RPS6KA6: variants seen among roughly 807,000 people sequenced by gnomAD.
The protein encoded by RPS6KA6 is ribosomal protein S6 kinase A6, also known as ribosomal protein S6 kinase alpha-6.
RPS6KA6 carries 27 observed loss-of-function variants against 65.4 expected under a neutral mutation model. The ratio of observed to expected loss-of-function variants is 0.41; its 90% CI spans 0.30 to 0.57. The LOEUF (loss-of-function observed/expected upper bound fraction) is 0.57. Ranked by LOEUF, RPS6KA6 falls within the 20% of genes least tolerant of loss-of-function variation. The pLI, the probability that RPS6KA6 is intolerant of heterozygous loss-of-function variation, is 0.24. For missense variants in RPS6KA6, 486 were observed against 555.6 expected, an observed-to-expected ratio of 0.87 and a Z score of 1.26; for synonymous variants, 190 against 184.2, an observed-to-expected ratio of 1.03 and a Z score of -0.26.
chrX:84,073,621 T>A lies in RPS6KA6; in HGVS notation c.1972-8510A>T, dbSNP rs773743042. Among the ~76,000 whole-genome samples, 108 of 111,331 alleles carry A rather than the reference T, an allele frequency of 9.7e-4. No homozygotes were observed. In the South Asian group the frequency reaches 0.012, roughly 12 times the overall value. On this transcript the variant is annotated intron_variant, in intron 20 of 21. Transcript: ENST00000262752. Reference sequence around the variant, plus strand: ...AGAATAGTAGAAAATATTTGCAAAGTACATATCTGAAAAGGGATTAATATC... The same window carrying A: ...AGAATAGTAGAAAATATTTGCAAAGAACATATCTGAAAAGGGATTAATATC...
intron 18 of RPS6KA6, among the ~76,000 whole-genome samples, chrX:84,101,512 T>C (rs1249125922): frequency 9.0e-6 from 1 of 110,979 alleles, no homozygotes; most frequent in Non-Finnish European, 1.9e-5. Flanking sequence ...CAAAAACCCC[T>C]GTGTGGCTAT....
chrX:84,150,975 T>G (rs1018979130), intron 3 of RPS6KA6, among the ~76,000 whole-genome samples: 1 of 93,779 alleles, frequency 1.1e-5, no homozygotes, highest in Non-Finnish European at 2.1e-5. Context: ...AGGATATATA[T>G]AGGATATATA....
intron 20 of RPS6KA6, among the ~76,000 whole-genome samples, chrX:84,076,460 G>A (rs1403681519): frequency 9.0e-6 from 1 of 111,549 alleles, no homozygotes; most frequent in Non-Finnish European, 1.9e-5. Context: ...TGATCGAGTG[G>A]TACTTAACCT....
At chrX:84,173,524 C>T (rs188324778) in intron 1 of RPS6KA6, among the ~76,000 whole-genome samples, 1 of 112,278 alleles carries the variant, frequency 8.9e-6, no homozygotes, top group Admixed American at 9.4e-5. Flanking sequence ...AAAATAAAAA[C>T]ATTTTAGCTA....
At chrX:84,081,315 A>C (rs993718887) in intron 20 of RPS6KA6, among the ~76,000 whole-genome samples, 1 of 111,935 alleles carries the variant, frequency 8.9e-6, no homozygotes, top group Non-Finnish European at 1.9e-5. Context: ...AAATACAAAC[A>C]ACCATCAGAG....
At chrX:84,158,240 A>T (rs1338199588) in intron 2 of RPS6KA6, among the ~76,000 whole-genome samples, 2 of 111,170 alleles carry the variant, frequency 1.8e-5, no homozygotes, top group African/African-American at 6.5e-5. Flanking sequence ...CCACCAAAAA[A>T]TAGGGCAACT....
intron 2 of RPS6KA6, 61 bp from the exon 3 acceptor site, chrX:84,156,252 T>TCA: frequency 1.6e-6 from 1 of 626,383 alleles, no homozygotes; most frequent in South Asian, 2.6e-5. Flanking sequence ...ATTAGTTCCA[T>TCA]TTAAAATCAG....
chrX:84,143,470 C>T (rs1225104792), intron 6 of RPS6KA6, among the ~76,000 whole-genome samples: 1 of 110,856 alleles, frequency 9.0e-6, no homozygotes, highest in Non-Finnish European at 1.9e-5. Flanking sequence ...ACAGGATTTA[C>T]TTAGAGGTAA....
Position 84,106,935 on chromosome X carries a change from C to T in RPS6KA6, c.1217G>A (p.Ser406Asn). The change falls in exon 14 of 22, where the codon AGT becomes AAT. Residue 406 changes from serine (S) to asparagine (N), a missense_variant. This residue lies in a region of RPS6KA6 where 345 missense variants were observed against 375.0 expected (regional missense o/e 0.92). Coordinates refer to ENST00000262752, the MANE Select transcript of RPS6KA6 (RefSeq NM_014496.5). ...AEEYKITPIT[S>N]ANVLPIVQIN... ...CTGAACAATTGGTAATACATTTGCA[C>T]TTGTGATAGGAGTGATTTTATATTC... The T allele has an allele frequency of 8.4e-7, 1 of 1,187,226 alleles. No individual in the cohort carries two copies. Among genetic ancestry groups the T allele is most frequent in the Non-Finnish European group, 1.1e-6 (1 of 878,077 alleles).
chrX:84,147,534 T>C (rs1041193436), intron 4 of RPS6KA6, among the ~76,000 whole-genome samples: 1 of 111,586 alleles, frequency 9.0e-6, no homozygotes. Context: ...CTTGAACTCC[T>C]GGGCTGGGCT....
Position 84,117,461 on chromosome X carries a change from CA to C in RPS6KA6, c.790-8del. 1 of 1,111,301 alleles carries C rather than the reference CA, an allele frequency of 9.0e-7. No homozygotes were observed. The highest frequency in any genetic ancestry group is 1.2e-6 in the Non-Finnish European group (1 of 825,090). 91.6% of individuals were successfully genotyped at this position (1,111,301 alleles called of 1,213,427 possible). A position where few individuals can be genotyped will look rare whatever the true frequency, so the allele number is the denominator to read the frequency against. On this transcript the variant is annotated splice_polypyrimidine_tract_variant and splice_region_variant and intron_variant, in intron 9 of 21. Coordinates refer to ENST00000262752, the MANE Select transcript of RPS6KA6 (RefSeq NM_014496.5). Reference sequence around the variant, plus strand: ...TACCAGTAAGCATTTCAAACTAAAACAAACAAACAAAACACACCACACAATT... The same window carrying C: ...TACCAGTAAGCATTTCAAACTAAAACAACAAACAAAACACACCACACAATT...
rs1314675754 is a variant in RPS6KA6, at chrX:84,061,729, A to C, written c.*2548T>G. ...AACTGTGCTATCATTAAATACTACC[A>C]AAAACCATTAACTAGAAAAACACAA... On this transcript the variant is annotated 3_prime_UTR_variant, in exon 22 of 22. Transcript: ENST00000262752. 8.9e-6 allele frequency: 1 copy of C among 111,947 alleles called. No homozygotes were observed. The highest frequency in any genetic ancestry group is 2.8e-4 in the East Asian group (1 of 3,585). The allele number at this position is 111,947 out of a possible 1,213,427, so 9.2% of individuals were successfully genotyped here.
At chrX:84,103,633 G>C (rs966029411) in intron 17 of RPS6KA6, among the ~76,000 whole-genome samples, 5 of 111,086 alleles carry the variant, frequency 4.5e-5, no homozygotes, top group Non-Finnish European at 7.6e-5. Flanking sequence ...TAATAAAGAA[G>C]AGACGCCTAT....
intron 6 of RPS6KA6, among the ~76,000 whole-genome samples, chrX:84,137,857 C>T (rs747929362): frequency 2.4e-4 from 27 of 111,660 alleles, no homozygotes; most frequent in Admixed American, 1.0e-3. Flanking sequence ...ATATTAGCTG[C>T]AAATATTTAT....
rs771511388 is a variant in RPS6KA6 at position 84,156,201 on chromosome X, G to A, written c.142-10C>T. 1.1e-6 allele frequency: 1 copy of A among 932,009 alleles called. No individual in the cohort carries two copies. The highest frequency in any genetic ancestry group is 1.5e-6 in the Non-Finnish European group (1 of 646,674). The allele number at this position is 932,009 out of a possible 1,213,427, so 76.8% of individuals were successfully genotyped here. ...TAACAACTCCTTCATCCTGTAAAAAGAAATCCAAACAATACTTGAATCCAT... is the reference window on the plus strand; with the variant it reads ...TAACAACTCCTTCATCCTGTAAAAAAAAATCCAAACAATACTTGAATCCAT... On this transcript the variant is annotated splice_polypyrimidine_tract_variant and intron_variant, in intron 2 of 21. Coordinates refer to ENST00000262752, the MANE Select transcript of RPS6KA6 (RefSeq NM_014496.5).
chrX:84,177,068 A>G (rs2035782151), intron 1 of RPS6KA6, among the ~76,000 whole-genome samples: 1 of 111,735 alleles, frequency 8.9e-6, no homozygotes, highest in African/African-American at 3.2e-5. Flanking sequence ...TGAATACGAA[A>G]AAAAGACAGC....
At chrX:84,165,844 T>C (rs2147611923) in intron 1 of RPS6KA6, among the ~76,000 whole-genome samples, 1 of 111,421 alleles carries the variant, frequency 9.0e-6, no homozygotes, top group East Asian at 2.8e-4. Context: ...AAAGTTATAT[T>C]CCAGCATAAA....
Position 84,150,159 on chromosome X carries a change from C to T in RPS6KA6, c.259-2036G>A, listed in dbSNP as rs977892503. On this transcript the variant is annotated intron_variant, in intron 3 of 21. Coordinates refer to ENST00000262752, the MANE Select transcript of RPS6KA6 (RefSeq NM_014496.5). ...GCTTCCTCACCTCTCTCAGCCTTCA[C>T]AGAATTAAAGAGAGCTAGGGAATTG... Among the ~76,000 whole-genome samples, 12 of 111,902 alleles carry T rather than the reference C, an allele frequency of 1.1e-4. 1 individual carries two copies. In the Middle Eastern group the frequency reaches 0.014, roughly 130 times the overall value.
intron 1 of RPS6KA6, among the ~76,000 whole-genome samples, chrX:84,184,829 CA>C (rs11445430): frequency 0.029 from 571 of 20,024 alleles, 8 homozygotes; most frequent in African/African-American, 0.094. Context: ...GACCCTGACT[CA>C]AAAAAAAAAA....
Sources: gnomAD v4.1 joint callset for allele counts (sites outside exome capture counted in the v4.1 genomes callset) on GRCh38, gnomAD v4.1.1 for gene constraint, gnomAD v4.1.1 regional missense constraint, MANE v1.5 for transcripts, NCBI Gene and HGNC (gene_info 2026-07-23, HGNC 2026-07-21) for gene names.